Variants in GTF3C1 observed in about 807,000 individuals in gnomAD.
GTF3C1 encodes general transcription factor 3C polypeptide 1.
GTF3C1 carries 57 observed loss-of-function variants against 226.7 expected under a neutral mutation model. The observed-to-expected ratio is 0.25, with a 90% CI of 0.20 to 0.31. The LOEUF is 0.31. Ranked by LOEUF, GTF3C1 falls within the 10% of genes least tolerant of loss-of-function variation. The pLI is 1.00. For synonymous variants in GTF3C1, 1,090 were observed against 1,084.8 expected (o/e 1.00, Z -0.09); for missense variants, 2,217 against 2,776.1 (o/e 0.80, Z 4.53).
At chr16:27,499,947 C>A (rs562108952) in intron 12 of GTF3C1, among the ~76,000 whole-genome samples, 2 of 152,302 alleles carry the variant, frequency 1.3e-5, no homozygotes, top group East Asian at 3.9e-4. Context: ...CCCCTTCCAG[C>A]CGGAAAAACC....
chr16:27,515,260 C>G (rs771045907), intron 6 of GTF3C1, among the ~76,000 whole-genome samples: 18 of 152,014 alleles, frequency 1.2e-4, no homozygotes, highest in Non-Finnish European at 1.9e-4. Flanking sequence ...GCCTGGGCAA[C>G]AGAGCAAGAC....
intron 16 of GTF3C1, 75 bp downstream of exon 16, chr16:27,494,688 T>C (rs1165046047): frequency 1.6e-5 from 17 of 1,086,814 alleles, no homozygotes; most frequent in Non-Finnish European, 2.4e-5. Context: ...TATCCTCCCT[T>C]GCCCAGGTGA....
chr16:27,503,726 C>T (rs1043011319), intron 10 of GTF3C1, among the ~76,000 whole-genome samples: 1 of 152,154 alleles, frequency 6.6e-6, no homozygotes, highest in Non-Finnish European at 1.5e-5. Context: ...ATGTGAAAGC[C>T]CAAATGTGAA....
In GTF3C1 at chr16:27,476,600, G is replaced by C. The variant is rs551907095; in HGVS notation, c.4260-56C>G. On this transcript the variant is annotated intron_variant, in intron 28 of 36. Coordinates refer to ENST00000356183, the MANE Select transcript of GTF3C1 (RefSeq NM_001520.4). Reference sequence around the variant, plus strand: ...AGACCACAGGCACTGCTCAGCTCAGGCAGATGCAATTCTTAGGGAAAAAAA... The same window carrying C: ...AGACCACAGGCACTGCTCAGCTCAGCCAGATGCAATTCTTAGGGAAAAAAA... The C allele has an allele frequency of 2.9e-5, 28 of 973,454 alleles. No homozygotes were observed. In the South Asian group the frequency reaches 3.6e-4, roughly 13 times the overall value. 60.3% of individuals were successfully genotyped at this position (973,454 alleles called of 1,614,324 possible).
intron 16 of GTF3C1, among the ~76,000 whole-genome samples, chr16:27,494,528 C>CA (rs1206201474): frequency 1.3e-5 from 2 of 152,108 alleles, no homozygotes; most frequent in African/African-American, 4.8e-5. Flanking sequence ...ATTTACCCGC[C>CA]AACCACCCAC....
At chr16:27,493,624 G>A (rs187820984) in intron 16 of GTF3C1, among the ~76,000 whole-genome samples, 34 of 152,266 alleles carry the variant, frequency 2.2e-4, no homozygotes, top group African/African-American at 7.5e-4. Flanking sequence ...TAGAGAACAC[G>A]CGTTCCTTTT....
chr16:27,545,255 G>A (rs1365968007), intron 2 of GTF3C1, 59 bp downstream of exon 2: 1 of 1,212,152 alleles, frequency 8.2e-7, no homozygotes, highest in Non-Finnish European at 1.2e-6. Flanking sequence ...GGGATTACAG[G>A]CGTGAGCCAC....
chr16:27,472,054 ATGTG>A (rs1284234326), intron 29 of GTF3C1, 134 bp from the exon 30 acceptor site: 1 of 705,724 alleles, frequency 1.4e-6, no homozygotes, highest in African/African-American at 1.8e-5. Flanking sequence ...AGGCTGGCGT[ATGTG>A]TGTGTCAGTG....
chr16:27,502,298 GGCTCTCACATT>G (rs1277278535), intron 11 of GTF3C1, among the ~76,000 whole-genome samples: 1 of 152,060 alleles, frequency 6.6e-6, no homozygotes, highest in Non-Finnish European at 1.5e-5. Context: ...CTCACCGAGT[GGCTCTCACATT>G]GGGTGCCTCA....
rs1374985920 is a variant in GTF3C1, at chr16:27,469,654, G to T, written c.4815-104C>A. 3.1e-6 allele frequency: 4 copies of T among 1,294,712 alleles called. No homozygotes were observed. Among genetic ancestry groups the T allele is most frequent in the Non-Finnish European group, 4.3e-6 (4 of 924,838 alleles). The allele number at this position is 1,294,712 out of a possible 1,614,324, so 80.2% of individuals were successfully genotyped here. A position where few individuals can be genotyped will look rare whatever the true frequency, so the allele number is the denominator to read the frequency against. On this transcript the variant is annotated intron_variant, in intron 31 of 36. Transcript: ENST00000356183. The surrounding 1 kb of genome is among the most constrained non-coding windows in gnomAD (Gnocchi z 4.5). Reference sequence around the variant, plus strand: ...CCTCTGTGGCTGGGCTTCAGCAGTGGCCCCAGCAACTGGCTATGCTTCATT... The same window carrying T: ...CCTCTGTGGCTGGGCTTCAGCAGTGTCCCCAGCAACTGGCTATGCTTCATT...
rs561152992 is a variant in GTF3C1 at position 27,488,942 on chromosome 16, C to A, written c.3429+101G>T. On this transcript the variant is annotated intron_variant, in intron 21 of 36. Transcript: ENST00000356183. Reference sequence around the variant, plus strand: ...TAAGGGGCCTGACGCACCTTCAATACAAACGGAAGCCAGTATTTGTGTCTC... The same window carrying A: ...TAAGGGGCCTGACGCACCTTCAATAAAAACGGAAGCCAGTATTTGTGTCTC... The A allele has an allele frequency of 3.6e-4, 408 of 1,135,616 alleles. 1 individual carries two copies. The highest frequency in any genetic ancestry group is 4.9e-4 in the Non-Finnish European group (375 of 758,830). The allele number at this position is 1,135,616 out of a possible 1,614,324, so 70.3% of individuals were successfully genotyped here. A position where few individuals can be genotyped will look rare whatever the true frequency, so the allele number is the denominator to read the frequency against.
At chr16:27,502,128 G>T (rs2088414545) in intron 11 of GTF3C1, among the ~76,000 whole-genome samples, 1 of 151,910 alleles carries the variant, frequency 6.6e-6, no homozygotes, top group Non-Finnish European at 1.5e-5. Context: ...AGAATACAGG[G>T]CCAAAAGGGA....
intron 5 of GTF3C1, among the ~76,000 whole-genome samples, chr16:27,530,509 C>A (rs1596655757): frequency 5.9e-5 from 9 of 152,172 alleles, no homozygotes; most frequent in Admixed American, 3.9e-4. Context: ...CAAATCCCCC[C>A]AAAAGGCAGC....
intron 1 of GTF3C1, among the ~76,000 whole-genome samples, chr16:27,546,032 G>C (rs2089156838): frequency 6.6e-6 from 1 of 152,086 alleles, no homozygotes; most frequent in Non-Finnish European, 1.5e-5. Flanking sequence ...ATTTTTAGTA[G>C]AGATGACGGT....
intron 3 of GTF3C1, 58 bp from the exon 4 acceptor site, chr16:27,537,985 A>C (rs1870944440): frequency 1.3e-6 from 2 of 1,564,254 alleles, no homozygotes; most frequent in East Asian, 2.2e-5. Context: ...CAATGTATAG[A>C]GTCTCTCACT....
At position 27,506,884 on chromosome 16, in the gene GTF3C1, C is replaced by A; in HGVS notation, c.1515G>T (p.Arg505=). 1 of 1,612,712 alleles carries A rather than the reference C, an allele frequency of 6.2e-7. No individual in the cohort carries two copies. The highest frequency in any genetic ancestry group is 8.5e-7 in the Non-Finnish European group (1 of 1,179,754). Reference sequence around the variant, plus strand: ...TGGAGTGATGAGGCTGGGTCTTGGGCCGGAGGTTTGCAGAGGCTCTTGTGT... The same window carrying A: ...TGGAGTGATGAGGCTGGGTCTTGGGACGGAGGTTTGCAGAGGCTCTTGTGT... ...QKDTRASANL[R]PKTQPHHSTP... is the part of the protein sequence containing the mutation. The change falls in exon 9 of 37, where the codon CGG becomes CGT. Residue 505 remains arginine, a synonymous_variant. Transcript: ENST00000356183.
chr16:27,537,119 T>G (rs1278718833), intron 4 of GTF3C1, among the ~76,000 whole-genome samples: 1 of 152,208 alleles, frequency 6.6e-6, no homozygotes, highest in East Asian at 1.9e-4. Context: ...CTTGTCCATA[T>G]AGGTTATTAT....
rs2087871387 is a variant in GTF3C1 at position 27,471,611 on chromosome 16, G to C, written c.4526+137C>G. 3 of 685,434 alleles carry C rather than the reference G, an allele frequency of 4.4e-6. No individual in the cohort carries two copies. The South Asian group carries it at 5.4e-5, about 12-fold the overall frequency. 42.5% of individuals were successfully genotyped at this position (685,434 alleles called of 1,614,324 possible). A position where few individuals can be genotyped will look rare whatever the true frequency, so the allele number is the denominator to read the frequency against. ...AGGTAAGGGGCTGCAGGAAACCCAA[G>C]CCGGCATCTTGCACATGAGGCTGCG... On this transcript the variant is annotated intron_variant, in intron 30 of 36. Coordinates refer to ENST00000356183, the MANE Select transcript of GTF3C1 (RefSeq NM_001520.4). This position sits in a 1 kb window ranked among gnomAD's most constrained non-coding sequence, Gnocchi z 5.0.
intron 24 of GTF3C1, 84 bp from the exon 25 acceptor site, chr16:27,484,437 ATGTG>A: frequency 2.1e-6 from 2 of 974,254 alleles, no homozygotes; most frequent in Non-Finnish European, 3.3e-6. Flanking sequence ...AGTGGACAAA[ATGTG>A]TTTTGTGCAG....
Sources: gnomAD v4.1 joint callset for allele counts (sites outside exome capture counted in the v4.1 genomes callset) on GRCh38, gnomAD v4.1.1 for gene constraint, Gnocchi (gnomAD v3.1) non-coding constraint, MANE v1.5 for transcripts, NCBI Gene and HGNC (gene_info 2026-07-23, HGNC 2026-07-21) for gene names.